Variants in C10orf90 observed in about 807,000 individuals in gnomAD.
C10orf90 encodes the protein chromosome 10 open reading frame 90.
Under a neutral mutation model 62.5 loss-of-function variants are expected in C10orf90, and 56 were observed. The observed-to-expected ratio is 0.90, with a 90% CI of 0.72 to 1.12. The LOEUF (loss-of-function observed/expected upper bound fraction) is 1.12, where lower values mean the gene tolerates loss of function less well. Among genes scored for constraint, C10orf90 ranks in the 50% most tolerant of loss-of-function variants. The pLI is 0.00. For synonymous variants in C10orf90, 386 were observed against 340.4 expected, an observed-to-expected ratio of 1.13 and a Z score of -1.47; for missense variants, 970 against 880.4, an observed-to-expected ratio of 1.10 and a Z score of -1.29.
intron 2 of C10orf90, among the ~76,000 whole-genome samples, chr10:126,616,308 G>A (rs2133809364): frequency 6.6e-6 from 1 of 152,298 alleles, no homozygotes; most frequent in South Asian, 2.1e-4. Context: ...GACAAGCAAT[G>A]GGTGAGTCAT....
intron 2 of C10orf90, among the ~76,000 whole-genome samples, chr10:126,605,796 A>G (rs1284507528): frequency 6.6e-6 from 1 of 152,178 alleles, no homozygotes; most frequent in Non-Finnish European, 1.5e-5. Context: ...CCAAGAGTGG[A>G]GGAACAACCA....
intron 7 of C10orf90, among the ~76,000 whole-genome samples, chr10:126,431,725 T>G (rs1326718136): frequency 6.6e-6 from 1 of 152,216 alleles, no homozygotes; most frequent in East Asian, 1.9e-4. Flanking sequence ...CAATACCCTT[T>G]GTAAGATTTT....
chr10:126,650,889 C>T (rs901261257), intron 1 of C10orf90, among the ~76,000 whole-genome samples: 3 of 152,176 alleles, frequency 2.0e-5, no homozygotes, highest in Non-Finnish European at 4.4e-5. Context: ...CCTTCCACCC[C>T]CCAGCCACCT....
chr10:126,478,947 C>T (rs1474761399), intron 4 of C10orf90, among the ~76,000 whole-genome samples: 2 of 152,154 alleles, frequency 1.3e-5, no homozygotes, highest in African/African-American at 4.8e-5. Flanking sequence ...CCCCTCTGTG[C>T]CCTTCCCTGC....
chr10:126,565,918 G>A (rs1158943711), intron 2 of C10orf90, among the ~76,000 whole-genome samples: 1 of 152,140 alleles, frequency 6.6e-6, no homozygotes, highest in African/African-American at 2.4e-5. Flanking sequence ...AAGACATGAT[G>A]GTTAGCCCAA....
chr10:126,588,059 C>G (rs941735706), intron 2 of C10orf90, among the ~76,000 whole-genome samples: 5 of 152,208 alleles, frequency 3.3e-5, no homozygotes. Context: ...CCAGCAGCAG[C>G]AGGTTAGAGA....
intron 4 of C10orf90, among the ~76,000 whole-genome samples, chr10:126,479,165 G>T (rs1861046545): frequency 6.6e-6 from 1 of 152,144 alleles, no homozygotes. Flanking sequence ...AGAATGTCTG[G>T]ACCCTTCTAT....
At chr10:126,536,379 A>G (rs770094079) in intron 2 of C10orf90, among the ~76,000 whole-genome samples, 1 of 152,202 alleles carries the variant, frequency 6.6e-6, no homozygotes, top group Non-Finnish European at 1.5e-5. Context: ...AGATTTCAGG[A>G]AACGGCAAGA....
chr10:126,646,372 C>T (rs895027125), intron 2 of C10orf90, among the ~76,000 whole-genome samples, 193 bp downstream of exon 2: 3 of 152,228 alleles, frequency 2.0e-5, no homozygotes, highest in Non-Finnish European at 2.9e-5. Context: ...CATCCTTTAG[C>T]CTCACTGCCT....
intron 2 of C10orf90, among the ~76,000 whole-genome samples, chr10:126,642,065 T>C (rs992158953): frequency 6.6e-6 from 1 of 152,212 alleles, no homozygotes; most frequent in African/African-American, 2.4e-5. Flanking sequence ...CTGATGGAGC[T>C]GCTGCTGGAG....
chr10:126,625,410 T>C (rs138121532), intron 2 of C10orf90, among the ~76,000 whole-genome samples: 81 of 152,320 alleles, frequency 5.3e-4, no homozygotes, highest in African/African-American at 1.9e-3. Context: ...CCAAGCTGAC[T>C]TGACCACAGG....
chr10:126,648,305 T>G (rs911921008), intron 1 of C10orf90, among the ~76,000 whole-genome samples: 1 of 152,156 alleles, frequency 6.6e-6, no homozygotes, highest in African/African-American at 2.4e-5. Context: ...GATTTCAAAA[T>G]GCACAGGAAG....
chr10:126,498,854 A>G (rs1862224465), intron 4 of C10orf90, among the ~76,000 whole-genome samples: 2 of 152,196 alleles, frequency 1.3e-5, no homozygotes, highest in Admixed American at 1.3e-4. Context: ...TTATGACTGC[A>G]CCGCAGAACA....
intron 2 of C10orf90, among the ~76,000 whole-genome samples, chr10:126,621,450 A>T (rs1285352028): frequency 1.3e-5 from 2 of 152,184 alleles, no homozygotes; most frequent in African/African-American, 2.4e-5. Flanking sequence ...ACAATGTGGA[A>T]TTTCTCTTCA....
rs77469823 is a variant in C10orf90 at position 126,648,141 on chromosome 10, G to A, written c.241-1504C>T. On this transcript the variant is annotated intron_variant, in intron 1 of 9. Transcript: ENST00000488181. Reference sequence around the variant, plus strand: ...AGGGCTTATAGGAGTGGGCTTGCTCGCTTCTGCTCCTCTGCCATGTTTGTT... The same window carrying A: ...AGGGCTTATAGGAGTGGGCTTGCTCACTTCTGCTCCTCTGCCATGTTTGTT... 1.0e-3 allele frequency among the ~76,000 whole-genome samples: 157 copies of A among 151,844 alleles called. 2 individuals are homozygous for A. The East Asian group carries it at 0.019, about 19-fold the overall frequency.
chr10:126,626,977 ATTTTTC>A (rs374596817), intron 2 of C10orf90, among the ~76,000 whole-genome samples: 14 of 140,440 alleles, frequency 1.0e-4, no homozygotes, highest in East Asian at 4.1e-4. Context: ...TGTGATTTAG[ATTTTTC>A]TTTTTCTTTT....
chr10:126,580,355 G>A (rs1346639571), intron 2 of C10orf90, among the ~76,000 whole-genome samples: 4 of 152,222 alleles, frequency 2.6e-5, no homozygotes, highest in Admixed American at 6.5e-5. Context: ...CCACAAAAAC[G>A]TTTAAAAAGA....
intron 2 of C10orf90, among the ~76,000 whole-genome samples, chr10:126,514,264 G>C (rs1863304942): frequency 1.3e-5 from 2 of 152,168 alleles, no homozygotes; most frequent in African/African-American, 2.4e-5. Context: ...CAGCAGAAGA[G>C]AGACTCACAT....
intron 2 of C10orf90, among the ~76,000 whole-genome samples, chr10:126,581,345 C>T (rs950772288): frequency 5.9e-5 from 9 of 152,302 alleles, no homozygotes; most frequent in African/African-American, 1.9e-4. Context: ...GACTCTACAG[C>T]CATTTTCCTA....
Sources: gnomAD v4.1 joint callset for allele counts (sites outside exome capture counted in the v4.1 genomes callset) on GRCh38, gnomAD v4.1.1 for gene constraint, MANE v1.5 for transcripts, NCBI Gene and HGNC (gene_info 2026-07-23, HGNC 2026-07-21) for gene names.